Variants in SP140 observed in about 807,000 individuals in gnomAD.
The protein encoded by SP140 is nuclear body protein SP140.
SP140 carries 81 observed loss-of-function variants against 125.0 expected under a neutral mutation model. The observed-to-expected ratio is 0.65, with a 90% CI of 0.54 to 0.78. The LOEUF is 0.78. Among genes scored for constraint, SP140 ranks in the 30% least tolerant of loss-of-function variants. The pLI is 0.00. For missense variants in SP140, 858 were observed against 1,037.0 expected, an observed-to-expected ratio of 0.83 and a Z score of 2.37; for synonymous variants, 312 against 354.0, an observed-to-expected ratio of 0.88 and a Z score of 1.33.
intron 18 of SP140, 196 bp downstream of exon 18, chr2:230,288,162 A>C (rs773423583): frequency 1.9e-4 from 98 of 517,314 alleles, no homozygotes; most frequent in Non-Finnish European, 3.0e-4. Context: ...TGGATCTACA[A>C]CCAGATCCCA....
the SP140 span, among the ~76,000 whole-genome samples, chr2:230,196,291 A>C: frequency 6.6e-6 from 1 of 152,214 alleles, no homozygotes; most frequent in Non-Finnish European, 1.5e-5. Context: ...TAAAAATAAG[A>C]AATAAACTGT....
chr2:230,233,507 T>A (rs2047550977), intron 1 of SP140, among the ~76,000 whole-genome samples: 1 of 152,212 alleles, frequency 6.6e-6, no homozygotes, highest in South Asian at 2.1e-4. Flanking sequence ...GTATTTGGGT[T>A]CAGGATATTT....
At chr2:230,187,690 A>C in the SP140 span, among the ~76,000 whole-genome samples, 8 of 152,134 alleles carry the variant, frequency 5.3e-5, no homozygotes, top group Non-Finnish European at 1.5e-5. Flanking sequence ...ATAGGGATCC[A>C]GTTTTATTCT....
In SP140 at chr2:230,301,222, G is replaced by A. The variant is rs1012649142; in HGVS notation, c.2058+3760G>A. On this transcript the variant is annotated intron_variant, in intron 22 of 26. Transcript: ENST00000392045. ...CTAAAAGTTTGGAAAACATATTCGC[G>A]GGAATAATCAAAGAAAATGTTGCTG... Among the ~76,000 whole-genome samples the A allele has an allele frequency of 9.5e-4, 144 of 152,284 alleles. 1 individual carries two copies. The highest frequency in any genetic ancestry group is 3.2e-3 in the African/African-American group (134 of 41,564).
At chr2:230,309,122 T>A (rs1009946817) in intron 22 of SP140, among the ~76,000 whole-genome samples, 3 of 152,248 alleles carry the variant, frequency 2.0e-5, no homozygotes, top group African/African-American at 7.2e-5. Context: ...TTGAGACTTG[T>A]AAGAAATGGA....
chr2:230,187,649 A>C, the SP140 span, among the ~76,000 whole-genome samples: 1 of 152,112 alleles, frequency 6.6e-6, no homozygotes, highest in Admixed American at 6.5e-5. Flanking sequence ...TTTTTGATCC[A>C]TCTTGAGTTA....
At chr2:230,255,168 A>G (rs946324013) in intron 11 of SP140, among the ~76,000 whole-genome samples, 1 of 152,194 alleles carries the variant, frequency 6.6e-6, no homozygotes, top group African/African-American at 2.4e-5. Flanking sequence ...AAAGCAGGGC[A>G]GAGGCCTGAG....
intron 22 of SP140, 142 bp from the exon 23 acceptor site, chr2:230,309,782 A>G (rs558789944): frequency 2.6e-6 from 2 of 756,556 alleles, no homozygotes; most frequent in African/African-American, 1.7e-5. Flanking sequence ...TCTCCATGCC[A>G]TGTTTTTCCT....
chr2:230,233,758 T>C (rs1326363777), intron 1 of SP140, among the ~76,000 whole-genome samples: 1 of 152,256 alleles, frequency 6.6e-6, no homozygotes, highest in Non-Finnish European at 1.5e-5. Context: ...CTTTACATTT[T>C]TATACGTCTT....
intron 12 of SP140, among the ~76,000 whole-genome samples, chr2:230,263,264 T>C (rs745408029): frequency 2.6e-5 from 4 of 152,208 alleles, no homozygotes; most frequent in Non-Finnish European, 5.9e-5. Context: ...TTTTGTCTAA[T>C]ATAAGAATAG....
intron 1 of SP140, among the ~76,000 whole-genome samples, chr2:230,210,447 C>G (rs888017638): frequency 6.6e-6 from 1 of 152,174 alleles, no homozygotes; most frequent in African/African-American, 2.4e-5. Flanking sequence ...AGGGGAATGT[C>G]TTTGCTGTAT....
chr2:230,311,083 G>A, intron 24 of SP140, 71 bp from the exon 25 acceptor site: 2 of 1,610,758 alleles, frequency 1.2e-6, no homozygotes, highest in South Asian at 2.2e-5. Flanking sequence ...TGTGAGTTCT[G>A]TGCTGTGTCT....
At chr2:230,201,417 A>G (rs2043175894), upstream of SP140, among the ~76,000 whole-genome samples, 1 of 152,256 alleles carries the variant, frequency 6.6e-6, no homozygotes. Flanking sequence ...AAGACACATC[A>G]AAGCAGTGTC....
intron 15 of SP140, among the ~76,000 whole-genome samples, chr2:230,276,216 A>G (rs188529264): frequency 3.3e-5 from 5 of 152,278 alleles, no homozygotes; most frequent in African/African-American, 9.6e-5. Flanking sequence ...TCATAGCTAG[A>G]GAGGAGAAGT....
In SP140 at chr2:230,253,393, A is replaced by T. The variant is rs748078304; in HGVS notation, c.1135A>T (p.Ser379Cys). Residue 379 changes from serine (S) to cysteine (C), a missense_variant, in exon 11 of 27, where the codon AGT (serine) becomes TGT (cysteine). By Grantham distance (112) the Ser-to-Cys change is moderately radical (BLOSUM62 -1). Coordinates refer to ENST00000392045, the MANE Select transcript of SP140 (RefSeq NM_007237.5). ...TNEGEPEKEL[S>C]LLPGEGEEGS... is the part of the protein sequence containing the mutation. ...TGAAGGAGAACCAGAGAAGGAGCTC[A>T]GTCTACTACCAGGTGAAGGAGAAGG... 8.1e-6 allele frequency: 13 copies of T among 1,607,018 alleles called. No homozygotes were observed. In the Admixed American group the frequency reaches 2.0e-4, roughly 25 times the overall value.
chr2:230,292,692 C>T lies in SP140; in HGVS notation c.1872C>T (p.Thr624=). The T allele has an allele frequency of 1.9e-6, 3 of 1,614,116 alleles. No individual in the cohort carries two copies. Among genetic ancestry groups the T allele is most frequent in the Middle Eastern group, 1.6e-4 (1 of 6,062 alleles). The part of the protein sequence containing the change: ...CIQTEDGKWF[T]PTEFEIKGGH... ...AGACTGAGGATGGAAAATGGTTCACCCCCACGGAATTTGAAATCAAAGGAG... is the reference window on the plus strand; with the variant it reads ...AGACTGAGGATGGAAAATGGTTCACTCCCACGGAATTTGAAATCAAAGGAG... Residue 624 remains threonine (T), a synonymous_variant, in exon 20 of 27, where the codon ACC becomes ACT. Coordinates refer to ENST00000392045, the MANE Select transcript of SP140 (RefSeq NM_007237.5).
intron 12 of SP140, among the ~76,000 whole-genome samples, chr2:230,266,171 T>C (rs914043047): frequency 2.0e-5 from 3 of 152,182 alleles, no homozygotes; most frequent in African/African-American, 7.2e-5. Context: ...CTTGGGAAAC[T>C]CTGAAGACAT....
intron 3 of SP140, among the ~76,000 whole-genome samples, chr2:230,240,617 T>C (rs921204065): frequency 6.6e-6 from 1 of 152,228 alleles, no homozygotes; most frequent in African/African-American, 2.4e-5. Flanking sequence ...TGAGATATCA[T>C]TCACTCACTA....
At chr2:230,214,601 C>T (rs1352899079) in intron 3 of SP140, among the ~76,000 whole-genome samples, 3 of 152,192 alleles carry the variant, frequency 2.0e-5, no homozygotes, top group African/African-American at 7.2e-5. Context: ...TTTTTTCTTC[C>T]TCCCTGGCTC....
Sources: gnomAD v4.1 joint callset for allele counts (sites outside exome capture counted in the v4.1 genomes callset) on GRCh38, gnomAD v4.1.1 for gene constraint, MANE v1.5 for transcripts, NCBI Gene and HGNC (gene_info 2026-07-23, HGNC 2026-07-21) for gene names.